The following UTRN variants were observed in gnomAD, a reference collection of about 807,000 sequenced individuals.
UTRN encodes dystrophin-related protein 1.
A neutral mutation model predicts 463.9 loss-of-function variants in UTRN; 283 were observed. That is an observed-to-expected ratio of 0.61 (90% CI 0.55 to 0.67). UTRN has a LOEUF of 0.67. Among genes scored for constraint, UTRN ranks in the 30% least tolerant of loss-of-function variants. UTRN has a pLI of 0.00. For synonymous variants in UTRN, 1,442 were observed against 1,431.5 expected (o/e 1.01, Z -0.17); for missense variants, 3,922 against 4,084.3 (o/e 0.96, Z 1.08).
intron 53 of UTRN, among the ~76,000 whole-genome samples, chr6:144,722,697 G>A (rs1397046104): frequency 1.3e-5 from 2 of 152,080 alleles, no homozygotes; most frequent in Non-Finnish European, 2.9e-5. Flanking sequence ...TTCCTCAGCT[G>A]TACTAGTCAT....
chr6:144,716,612 T>G (rs1208279401), intron 53 of UTRN, among the ~76,000 whole-genome samples: 1 of 152,168 alleles, frequency 6.6e-6, no homozygotes, highest in Non-Finnish European at 1.5e-5. Flanking sequence ...AAGTATAATT[T>G]TTAATTATGA....
At chr6:144,414,318 G>A (rs1784185650) in intron 3 of UTRN, among the ~76,000 whole-genome samples, 1 of 152,062 alleles carries the variant, frequency 6.6e-6, no homozygotes. Flanking sequence ...GTAGGCCTAG[G>A]CTAATGTGTA....
At position 144,851,331 on chromosome 6, in the gene UTRN, T is replaced by C. The variant is rs1782468523; in HGVS notation, c.*334T>C. 1 of 267,094 alleles carries C rather than the reference T, an allele frequency of 3.7e-6. No individual in the cohort carries two copies. Among genetic ancestry groups the C allele is most frequent in the Non-Finnish European group, 7.1e-6 (1 of 140,614 alleles). 16.5% of individuals were successfully genotyped at this position (267,094 alleles called of 1,614,324 possible). A position where few individuals can be genotyped will look rare whatever the true frequency, so the allele number is the denominator to read the frequency against. On this transcript the variant is annotated 3_prime_UTR_variant, in exon 75 of 75. Coordinates refer to ENST00000367545, the MANE Select transcript of UTRN (RefSeq NM_007124.3). The stretch of plus-strand genomic sequence containing the variant: ...GAAAGTGGGTGGGGGCTTTCTAATA[T>C]GATACCGTCTTTTTAATAACTATGA...
chr6:144,692,731 T>C (rs1783563732), intron 52 of UTRN, among the ~76,000 whole-genome samples: 1 of 152,216 alleles, frequency 6.6e-6, no homozygotes, highest in Non-Finnish European at 1.5e-5. Flanking sequence ...TTGCCCACTT[T>C]TTATGGTGTT....
chr6:144,375,682 C>G (rs368266799), intron 2 of UTRN, among the ~76,000 whole-genome samples: 2 of 152,166 alleles, frequency 1.3e-5, no homozygotes, highest in African/African-American at 4.8e-5. Context: ...TTTGATAAAG[C>G]TGTGACTCTG....
chr6:144,285,805 A>T lies in UTRN; in HGVS notation c.-109A>T, dbSNP rs1803609332. 1 of 152,474 alleles carries T rather than the reference A, an allele frequency of 6.6e-6. No individual in the cohort carries two copies. The highest frequency in any genetic ancestry group is 2.1e-4 in the South Asian group (1 of 4,832). 9.4% of individuals were successfully genotyped at this position (152,474 alleles called of 1,614,324 possible). A position where few individuals can be genotyped will look rare whatever the true frequency, so the allele number is the denominator to read the frequency against. ...CGGCGGTGGCGACCGGCAGGCGAGG[A>T]GGCCCGCGGGCAGCAGGTAAGCCCA... is the stretch of plus-strand genomic sequence containing the variant. On this transcript the variant is annotated 5_prime_UTR_variant, in exon 1 of 75. Coordinates refer to ENST00000367545, the MANE Select transcript of UTRN (RefSeq NM_007124.3).
At chr6:144,577,431 T>G (rs1333813494) in intron 51 of UTRN, 143 bp downstream of exon 51, 5 of 853,610 alleles carry the variant, frequency 5.9e-6, no homozygotes, top group Non-Finnish European at 8.6e-6. Flanking sequence ...AATAATAGGT[T>G]TCTTGAAATA....
intron 64 of UTRN, among the ~76,000 whole-genome samples, chr6:144,799,781 T>C (rs1352253012): frequency 2.0e-5 from 3 of 152,226 alleles, no homozygotes; most frequent in Non-Finnish European, 4.4e-5. Flanking sequence ...CCAAGATTAG[T>C]CAACTTGCCC....
chr6:144,285,905 G>C (rs1256317986), intron 1 of UTRN, 84 bp downstream of exon 1: 1 of 152,294 alleles, frequency 6.6e-6, no homozygotes, highest in Non-Finnish European at 1.5e-5. Context: ...GGAGGAGGAT[G>C]GCTCTTTCTG....
intron 26 of UTRN, among the ~76,000 whole-genome samples, chr6:144,481,609 C>A (rs12215350): frequency 0.024 from 3,592 of 152,326 alleles, 80 homozygotes; most frequent in African/African-American, 0.065. Flanking sequence ...CACTTAAATT[C>A]TGATCTTGGA....
At chr6:144,649,363 C>T (rs765807971) in intron 51 of UTRN, among the ~76,000 whole-genome samples, 1 of 152,156 alleles carries the variant, frequency 6.6e-6, no homozygotes, top group Admixed American at 6.5e-5. Flanking sequence ...CTGCACTCTC[C>T]AATACCATTG....
intron 51 of UTRN, among the ~76,000 whole-genome samples, chr6:144,596,253 G>A (rs1036262250): frequency 3.3e-5 from 5 of 152,216 alleles, no homozygotes; most frequent in Non-Finnish European, 5.9e-5. Context: ...ACATCCTTGC[G>A]GGTTAGGGTA....
rs532354948 is a variant in UTRN, at chr6:144,598,930, GAATGAAT to G, written c.7479+21644_7479+21650del. Among the ~76,000 whole-genome samples the G allele has an allele frequency of 1.6e-3, 238 of 152,290 alleles. 1 individual carries two copies. The highest frequency in any genetic ancestry group is 5.6e-3 in the African/African-American group (233 of 41,554). On this transcript the variant is annotated intron_variant, in intron 51 of 74. Coordinates refer to ENST00000367545, the MANE Select transcript of UTRN (RefSeq NM_007124.3). Reference sequence around the variant, plus strand: ...AATTTTACTTTTGGTTTCCAAATCAGAATGAATATTGCTAGACTAGAAATAACTCAAA... The same window carrying G: ...AATTTTACTTTTGGTTTCCAAATCAGATTGCTAGACTAGAAATAACTCAAA...
chr6:144,827,951 T>C (rs925417813), intron 68 of UTRN, among the ~76,000 whole-genome samples: 1 of 152,126 alleles, frequency 6.6e-6, no homozygotes, highest in African/African-American at 2.4e-5. Flanking sequence ...ATTTAGATGG[T>C]GTAACCAAGT....
intron 52 of UTRN, among the ~76,000 whole-genome samples, chr6:144,692,522 G>A (rs940739280): frequency 6.6e-6 from 1 of 152,170 alleles, no homozygotes; most frequent in African/African-American, 2.4e-5. Context: ...GTGTAAAAGT[G>A]TTCCTTTTTC....
chr6:144,559,715 G>T (rs1392456779), intron 50 of UTRN, among the ~76,000 whole-genome samples: 1 of 151,724 alleles, frequency 6.6e-6, no homozygotes, highest in African/African-American at 2.4e-5. Context: ...ATCTTCCCAT[G>T]AAATTTTAAT....
intron 51 of UTRN, among the ~76,000 whole-genome samples, chr6:144,661,741 G>A (rs1779890698): frequency 6.6e-6 from 1 of 152,078 alleles, no homozygotes; most frequent in Admixed American, 6.6e-5. Context: ...AGTAATTGTG[G>A]GCAATAGCTG....
intron 3 of UTRN, among the ~76,000 whole-genome samples, chr6:144,413,586 C>T (rs563105314): frequency 3.9e-5 from 6 of 152,222 alleles, no homozygotes; most frequent in South Asian, 2.1e-4. Flanking sequence ...TCCCATGACA[C>T]GTGGGAATTA....
At chr6:144,360,550 A>C (rs984558982) in intron 2 of UTRN, among the ~76,000 whole-genome samples, 1 of 152,148 alleles carries the variant, frequency 6.6e-6, no homozygotes, top group African/African-American at 2.4e-5. Context: ...CCCTGCTGTC[A>C]GTACTTCTGG....
Sources: gnomAD v4.1 joint callset for allele counts (sites outside exome capture counted in the v4.1 genomes callset) on GRCh38, gnomAD v4.1.1 for gene constraint, MANE v1.5 for transcripts, NCBI Gene and HGNC (gene_info 2026-07-23, HGNC 2026-07-21) for gene names.